The following RBM39 variants were observed in gnomAD, a reference collection of about 807,000 sequenced individuals.
RBM39 encodes RNA binding motif protein 39.
Under a neutral mutation model 79.6 loss-of-function variants are expected in RBM39, and 12 were observed. The ratio of observed to expected loss-of-function variants is 0.15; its 90% confidence interval spans 0.10 to 0.24. The LOEUF (loss-of-function observed/expected upper bound fraction) is 0.24, where lower values mean the gene tolerates loss of function less well. Ranked by LOEUF, RBM39 falls within the 10% of genes least tolerant of loss-of-function variation. The pLI is 1.00. For missense variants in RBM39, 243 were observed against 653.4 expected (o/e 0.37, Z 6.85); for synonymous variants, 185 against 208.4 (o/e 0.89, Z 0.97).
At chr20:35,721,077 AAC>A (rs1027894044) in intron 9 of RBM39, among the ~76,000 whole-genome samples, 41 of 152,126 alleles carry the variant, frequency 2.7e-4, no homozygotes, top group African/African-American at 8.7e-4. Context: ...AGTAGCTGGG[AAC>A]ACAGAGACGC....
In RBM39 at chr20:35,704,308, G is replaced by A. The variant is rs895763314; in HGVS notation, c.*173C>T. On this transcript the variant is annotated 3_prime_UTR_variant, in exon 17 of 17. Coordinates refer to ENST00000253363, the MANE Select transcript of RBM39 (RefSeq NM_184234.3). ...TATACAGTGGGATTTACTATTTAGG[G>A]AGAATGAGCACACTGCATTCCTGTT... 5.7e-6 allele frequency: 3 copies of A among 522,394 alleles called. No homozygotes were observed. Among genetic ancestry groups the A allele is most frequent in the African/African-American group, 5.7e-5 (3 of 52,316 alleles). 32.4% of individuals were successfully genotyped at this position (522,394 alleles called of 1,614,324 possible).
At chr20:35,714,862 T>C (rs140155265) in intron 10 of RBM39, among the ~76,000 whole-genome samples, 193 of 152,256 alleles carry the variant, frequency 1.3e-3, no homozygotes, top group African/African-American at 4.5e-3. Flanking sequence ...ATAAATTACA[T>C]ATATATAAAA....
At chr20:35,716,066 A>G (rs1447480040) in intron 10 of RBM39, among the ~76,000 whole-genome samples, 1 of 152,060 alleles carries the variant, frequency 6.6e-6, no homozygotes, top group Non-Finnish European at 1.5e-5. Context: ...TTATTTATTT[A>G]TAGTTTTATT....
chr20:35,738,349 T>C (rs1015193618), intron 3 of RBM39, among the ~76,000 whole-genome samples: 6 of 152,336 alleles, frequency 3.9e-5, no homozygotes, highest in Admixed American at 3.3e-4. Flanking sequence ...TACTAGTCTA[T>C]AGCAGAGTTC....
chr20:35,721,984 CTACCCTACGTAAGTCAGA>C, intron 8 of RBM39, 107 bp from the exon 9 acceptor site: 1 of 1,302,658 alleles, frequency 7.7e-7, no homozygotes, highest in South Asian at 1.3e-5. Context: ...GATAAAAATA[CTACCCTACGTAAGTCAGA>C]TACTACATAT....
intron 9 of RBM39, chr20:35,720,054 T>A (rs1255464202): frequency 8.5e-6 from 2 of 234,110 alleles, no homozygotes; most frequent in Non-Finnish European, 1.9e-5. Flanking sequence ...AACAAAGAGA[T>A]GGGATTACAG....
At chr20:35,721,614 A>G in intron 9 of RBM39, 126 bp downstream of exon 9, 1 of 1,119,908 alleles carries the variant, frequency 8.9e-7, no homozygotes. Flanking sequence ...AGAAATTTTT[A>G]TAAAACCAGC....
At chr20:35,721,594 A>G in intron 9 of RBM39, 146 bp downstream of exon 9, 1 of 850,408 alleles carries the variant, frequency 1.2e-6, no homozygotes, top group East Asian at 2.7e-5. Context: ...ATTTTAATCT[A>G]TGTTGTCACA....
intron 13 of RBM39, among the ~76,000 whole-genome samples, chr20:35,708,542 T>C (rs2036028604): frequency 6.6e-6 from 1 of 152,112 alleles, no homozygotes; most frequent in Admixed American, 6.5e-5. Context: ...AAAAATTTAA[T>C]TCTTGACTGT....
chr20:35,740,687 T>G, intron 2 of RBM39, 137 bp downstream of exon 2: 1 of 1,311,350 alleles, frequency 7.6e-7, no homozygotes, highest in East Asian at 2.5e-5. Flanking sequence ...TATTTACTTT[T>G]GTAAGTTACA....
chr20:35,723,241 AAAAAG>A (rs1376225397), intron 8 of RBM39, among the ~76,000 whole-genome samples: 5 of 152,240 alleles, frequency 3.3e-5, no homozygotes, highest in South Asian at 2.1e-4. Flanking sequence ...AAAAAAAAAA[AAAAAG>A]AAAAGTTGTC....
At chr20:35,714,105 C>T in intron 11 of RBM39, 80 bp downstream of exon 11, 1 of 1,400,784 alleles carries the variant, frequency 7.1e-7, no homozygotes, top group Non-Finnish European at 9.9e-7. Flanking sequence ...ATCTTTTTCC[C>T]TTTCTTAGTT....
intron 5 of RBM39, 30 bp from the exon 6 acceptor site, chr20:35,729,395 CCAAA>C (rs759532589): frequency 7.5e-6 from 12 of 1,603,430 alleles, no homozygotes; most frequent in Admixed American, 1.8e-5. Flanking sequence ...CAGAAGTTAT[CCAAA>C]CAAGTACAGC....
At chr20:35,719,472 C>T (rs2425095) in intron 9 of RBM39, among the ~76,000 whole-genome samples, 7,117 of 152,092 alleles carry the variant, frequency 0.047, 209 homozygotes, top group African/African-American at 0.085. Context: ...GACACCGAGG[C>T]GGGTAGATCA....
chr20:35,724,762 T>TA (rs1169814043), intron 7 of RBM39, 40 bp from the exon 8 acceptor site: 1 of 1,597,174 alleles, frequency 6.3e-7, no homozygotes, highest in Non-Finnish European at 8.6e-7. Context: ...ACATCCATTG[T>TA]AACACATGTA....
At chr20:35,721,284 T>A (rs1011108352) in intron 9 of RBM39, among the ~76,000 whole-genome samples, 2 of 152,048 alleles carry the variant, frequency 1.3e-5, no homozygotes, top group East Asian at 1.9e-4. Flanking sequence ...AACAATCTTT[T>A]AAAAAAAATC....
chr20:35,709,353 C>T, intron 12 of RBM39, 79 bp from the exon 13 acceptor site: 1 of 1,223,068 alleles, frequency 8.2e-7, no homozygotes, highest in Non-Finnish European at 1.2e-6. Flanking sequence ...AAGAGGACTA[C>T]AATAGCAGGG....
In RBM39 at chr20:35,720,739, T is replaced by C. The variant is rs551349182; in HGVS notation, c.825+1001A>G. Among the ~76,000 whole-genome samples the C allele has an allele frequency of 3.3e-5, 5 of 152,158 alleles. No homozygotes were observed. The South Asian group carries it at 1.0e-3, about 32-fold the overall frequency. On this transcript the variant is annotated intron_variant, in intron 9 of 16. Coordinates refer to ENST00000253363, the MANE Select transcript of RBM39 (RefSeq NM_184234.3). The stretch of plus-strand genomic sequence containing the variant: ...GCGAGGCGAGATTGTGCCACTGCAC[T>C]CCAGCCTGGGCAGCAGAATAAGACT...
chr20:35,726,328 C>G (rs1220914982), intron 6 of RBM39, among the ~76,000 whole-genome samples: 1 of 151,230 alleles, frequency 6.6e-6, no homozygotes, highest in Non-Finnish European at 1.5e-5. Flanking sequence ...ACATGGGATT[C>G]CACTGTGTTA....
Sources: allele counts gnomAD v4.1 joint callset (sites outside exome capture counted in the v4.1 genomes callset), GRCh38; gene constraint gnomAD v4.1.1; transcripts MANE v1.5; gene names NCBI Gene and HGNC (gene_info 2026-07-23, HGNC 2026-07-21).